The following GNB3 variants were observed in gnomAD, a reference collection of about 807,000 sequenced individuals.
The protein encoded by GNB3 is guanine nucleotide-binding protein G(I)/G(S)/G(T) subunit beta-3.
GNB3 carries 33 observed loss-of-function variants against 41.2 expected under a neutral mutation model. The ratio of observed to expected loss-of-function variants is 0.80; its 90% CI spans 0.61 to 1.07. The LOEUF is 1.07. Ranked by LOEUF, GNB3 falls within the 50% of genes least tolerant of loss-of-function variation. The pLI is 0.00. For synonymous variants in GNB3, 172 were observed against 173.4 expected, an observed-to-expected ratio of 0.99 and a Z score of 0.06; for missense variants, 409 against 455.3, an observed-to-expected ratio of 0.90 and a Z score of 0.92.
rs1555123684 is a variant in GNB3, at chr12:6,842,959, T to C, written c.97-11T>C. 6 of 1,521,070 alleles carry C rather than the reference T, an allele frequency of 3.9e-6. No homozygotes were observed. In the African/African-American group the frequency reaches 8.3e-5, roughly 21 times the overall value. The allele number at this position is 1,521,070 out of a possible 1,614,324, so 94.2% of individuals were successfully genotyped here. On this transcript the variant is annotated splice_polypyrimidine_tract_variant and intron_variant, in intron 3 of 9. Coordinates refer to ENST00000229264, the MANE Select transcript of GNB3 (RefSeq NM_002075.4). ...TGCTCACCCTGATATTCAGTGCCCC[T>C]CTCTCTGCAGCTGGTGTCTGGCCTA...
Position 6,843,268 on chromosome 12 carries a change from A to G in GNB3, c.267+31A>G. On this transcript the variant is annotated intron_variant, in intron 5 of 9. Coordinates refer to ENST00000229264, the MANE Select transcript of GNB3 (RefSeq NM_002075.4). The surrounding 1 kb of genome is among the most constrained non-coding windows in gnomAD (Gnocchi z 5.9). Reference sequence around the variant, plus strand: ...AGCCCTGCCTCCCTGAGCCTCCACCACTGCATCCTTCCTAAGGGCGCCATG... The same window carrying G: ...AGCCCTGCCTCCCTGAGCCTCCACCGCTGCATCCTTCCTAAGGGCGCCATG... 1 of 1,611,030 alleles carries G rather than the reference A, an allele frequency of 6.2e-7. No homozygotes were observed. Among genetic ancestry groups the G allele is most frequent in the Non-Finnish European group, 8.5e-7 (1 of 1,177,228 alleles).
intron 8 of GNB3, among the ~76,000 whole-genome samples, chr12:6,844,477 T>C (rs1240165277): frequency 6.6e-6 from 1 of 152,142 alleles, no homozygotes; most frequent in Non-Finnish European, 1.5e-5. Context: ...CTGGATGCAG[T>C]GGTGCTATCA....
intron 8 of GNB3, among the ~76,000 whole-genome samples, chr12:6,844,467 C>T (rs1555124138): frequency 1.3e-5 from 2 of 151,952 alleles, no homozygotes; most frequent in African/African-American, 4.8e-5. Flanking sequence ...GTTGCCCAGT[C>T]TGGATGCAGT....
chr12:6,846,779 C>T lies in GNB3; in HGVS notation c.917-13C>T. 1 of 1,510,466 alleles carries T rather than the reference C, an allele frequency of 6.6e-7. No individual in the cohort carries two copies. The highest frequency in any genetic ancestry group is 1.2e-5 in the South Asian group (1 of 84,420). 93.6% of individuals were successfully genotyped at this position (1,510,466 alleles called of 1,614,324 possible). ...CTTGGAGAGACAGGCTGACTCCTTT[C>T]CCTCTTCCTCAGGCATCCTCTCTGG... On this transcript the variant is annotated splice_polypyrimidine_tract_variant and intron_variant, in intron 9 of 9. Transcript: ENST00000229264.
chr12:6,847,225 C>T lies in GNB3; in HGVS notation c.*327C>T. 3.0e-6 allele frequency: 1 copy of T among 331,188 alleles called. No homozygotes were observed. The highest frequency in any genetic ancestry group is 5.7e-6 in the Non-Finnish European group (1 of 175,438). The allele number at this position is 331,188 out of a possible 1,614,324, so 20.5% of individuals were successfully genotyped here. On this transcript the variant is annotated 3_prime_UTR_variant, in exon 10 of 10. Coordinates refer to ENST00000229264, the MANE Select transcript of GNB3 (RefSeq NM_002075.4). Reference sequence around the variant, plus strand: ...TGAGGCCCCAGGCCCTAGGATTCCTCCCCCAGAGCCACTACCTTTGTCCAG... The same window carrying T: ...TGAGGCCCCAGGCCCTAGGATTCCTTCCCCAGAGCCACTACCTTTGTCCAG...
intron 2 of GNB3, 66 bp downstream of exon 2, chr12:6,841,410 G>C (rs1310053917): frequency 6.9e-7 from 1 of 1,440,824 alleles, no homozygotes; most frequent in Non-Finnish European, 9.7e-7. Context: ...CGTGGCCCAG[G>C]GGGAGGGGGC....
chr12:6,845,589 T>C lies in GNB3; in HGVS notation c.703T>C (p.Phe235Leu), dbSNP rs782066777. 1.2e-6 allele frequency: 2 copies of C among 1,608,052 alleles called. No homozygotes were observed. The highest frequency in any genetic ancestry group is 1.7e-6 in the Non-Finnish European group (2 of 1,177,594). ...HESDINAICF[F>L]PNGEAICTGS... is the part of the protein sequence containing the mutation. ...CACTTGCCACCCGTGCCCTCAGTTCTTCCCCAATGGAGAGGCCATCTGCAC... is the reference window on the plus strand; with the variant it reads ...CACTTGCCACCCGTGCCCTCAGTTCCTCCCCAATGGAGAGGCCATCTGCAC... Residue 235 changes from phenylalanine (F) to leucine (L), a missense_variant, in exon 9 of 10, where the codon TTC (phenylalanine) becomes CTC (leucine). Physicochemically the swap from Phe to Leu is conservative, Grantham distance 22. Transcript: ENST00000229264.
chr12:6,844,093 A>T lies in GNB3; in HGVS notation c.699+115A>T, dbSNP rs11064426. On this transcript the variant is annotated intron_variant, in intron 8 of 9. Transcript: ENST00000229264. ...AGCTTCCCTAGCCCTTTCTTACTGT[A>T]TTTTTTTTTTTTTTTTTTTTTTTTT... The T allele has an allele frequency of 0.26, 65,885 of 256,186 alleles. 15,929 individuals carry two copies. The highest frequency in any genetic ancestry group is 0.61 in the African/African-American group (16,732 of 27,656). The allele number at this position is 256,186 out of a possible 1,614,324, so 15.9% of individuals were successfully genotyped here.
At chr12:6,846,509 A>C (rs1258383546) in intron 9 of GNB3, 5 of 316,148 alleles carry the variant, frequency 1.6e-5, no homozygotes, top group African/African-American at 1.1e-4. Context: ...AGCTCTTGAC[A>C]GAGAACCCCC....
Position 6,841,624 on chromosome 12 carries a change from G to C in GNB3, c.96G>C (p.Glu32Asp), listed in dbSNP as rs1555123393. ...RKACADVTLA[E>D]LVSGLEVVGR... is the part of the protein sequence containing the mutation. ...CCTGTGCTGACGTTACTCTGGCAGA[G>C]GTAAGACCCCCTGTCCCCCGGAAGG... The change falls in exon 3 of 10, where the codon GAG (glutamate) becomes GAC (aspartate). Residue 32 changes from glutamate to aspartate, a missense_variant and splice_region_variant. By Grantham distance (45) the Glu-to-Asp change is conservative. Coordinates refer to ENST00000229264, the MANE Select transcript of GNB3 (RefSeq NM_002075.4). 1.2e-6 allele frequency: 2 copies of C among 1,612,250 alleles called. No individual in the cohort carries two copies. The highest frequency in any genetic ancestry group is 1.7e-6 in the Non-Finnish European group (2 of 1,178,828).
Position 6,843,195 on chromosome 12 carries a change from AG to A in GNB3, c.226del (p.Asp76MetfsTer4). 6.2e-7 allele frequency: 1 copy of A among 1,614,068 alleles called. No homozygotes were observed. Among genetic ancestry groups the A allele is most frequent in the African/African-American group, 1.3e-5 (1 of 75,002 alleles). On this transcript the variant is annotated frameshift_variant, in exon 5 of 10. Transcript: ENST00000229264. LOFTEE classifies it high-confidence loss of function. The surrounding 1 kb of genome is among the most constrained non-coding windows in gnomAD (Gnocchi z 5.9). ...DSKLLVSASQ[D>X]GKLIVWDSYT... ...CCAGGCTGCTGGTAAGTGCCTCGCAAGATGGGAAGCTGATCGTGTGGGACAG... is the reference window on the plus strand; with the variant it reads ...CCAGGCTGCTGGTAAGTGCCTCGCAAATGGGAAGCTGATCGTGTGGGACAG...
rs782199199 is a variant in GNB3, at chr12:6,843,765, C to T, written c.498-12C>T. On this transcript the variant is annotated splice_polypyrimidine_tract_variant and intron_variant, in intron 7 of 9. Coordinates refer to ENST00000229264, the MANE Select transcript of GNB3 (RefSeq NM_002075.4). This position sits in a 1 kb window ranked among gnomAD's most constrained non-coding sequence, Gnocchi z 5.9. ...CCGGCCTTTCTCTAACAGTCTCCCT[C>T]CATTTTGGCAGTGCCTTGTGGGACA... is the stretch of plus-strand genomic sequence containing the variant. 9 of 1,613,522 alleles carry T rather than the reference C, an allele frequency of 5.6e-6. No homozygotes were observed. In the South Asian group the frequency reaches 9.9e-5, roughly 18 times the overall value.
chr12:6,843,275 C>T lies in GNB3; in HGVS notation c.267+38C>T. The stretch of plus-strand genomic sequence containing the variant: ...CCTCCCTGAGCCTCCACCACTGCAT[C>T]CTTCCTAAGGGCGCCATGCCTACCC... On this transcript the variant is annotated intron_variant, in intron 5 of 9. Coordinates refer to ENST00000229264, the MANE Select transcript of GNB3 (RefSeq NM_002075.4). The surrounding 1 kb of genome is among the most constrained non-coding windows in gnomAD (Gnocchi z 5.9). 6.2e-7 allele frequency: 1 copy of T among 1,610,828 alleles called. No individual in the cohort carries two copies. Among genetic ancestry groups the T allele is most frequent in the Non-Finnish European group, 8.5e-7 (1 of 1,177,016 alleles).
rs1555123834 is a variant in GNB3, at chr12:6,843,437, TG to T, written c.348del (p.Leu117TrpfsTer42). The T allele has an allele frequency of 5.6e-6, 9 of 1,614,038 alleles. No homozygotes were observed. Among genetic ancestry groups the T allele is most frequent in the Admixed American group, 3.3e-5 (2 of 60,016 alleles). ...CCCCATCAGGGAACTTTGTGGCATG[TG>T]GGGGGCTGGACAACATGTGTTCCAT... ...YAPSGNFVAC[G>X]GLDNMCSIYN... On this transcript the variant is annotated frameshift_variant, in exon 6 of 10. Coordinates refer to ENST00000229264, the MANE Select transcript of GNB3 (RefSeq NM_002075.4). LOFTEE classifies it high-confidence loss of function. This position sits in a 1 kb window ranked among gnomAD's most constrained non-coding sequence, Gnocchi z 5.9.
rs369525472 is a variant in GNB3 at position 6,844,013 on chromosome 12, T to C, written c.699+35T>C. The stretch of plus-strand genomic sequence containing the variant: ...CCCCCCACCCCAGCTTCACTCCAAC[T>C]CCTTCCCCGACACTCCCCACAACAC... On this transcript the variant is annotated intron_variant, in intron 8 of 9. Transcript: ENST00000229264. The C allele has an allele frequency of 6.1e-6, 9 of 1,484,914 alleles. No individual in the cohort carries two copies. The African/African-American group carries it at 1.0e-4, about 16-fold the overall frequency. The allele number at this position is 1,484,914 out of a possible 1,614,324, so 92.0% of individuals were successfully genotyped here.
Position 6,842,980 on chromosome 12 carries a change from G to T in GNB3, c.107G>T (p.Gly36Val), listed in dbSNP as rs1943600579. The change falls in exon 4 of 10, where the codon GGC becomes GTC. Residue 36 changes from glycine (G) to valine (V), a missense_variant. Gly to Val is a moderately radical substitution (Grantham distance 109). Coordinates refer to ENST00000229264, the MANE Select transcript of GNB3 (RefSeq NM_002075.4). ...ADVTLAELVSGLEVVGRVQMR... is the reference protein window; with the variant it reads ...ADVTLAELVSVLEVVGRVQMR... ...CCCCTCTCTCTGCAGCTGGTGTCTG[G>T]CCTAGAGGTGGTGGGACGAGTCCAG... 6.5e-7 allele frequency: 1 copy of T among 1,548,202 alleles called. No homozygotes were observed. The highest frequency in any genetic ancestry group is 1.8e-5 in the Admixed American group (1 of 54,228).
intron 9 of GNB3, chr12:6,846,502 T>C: frequency 3.3e-6 from 1 of 303,540 alleles, no homozygotes; most frequent in East Asian, 5.5e-5. Flanking sequence ...CAACCAAAGC[T>C]CTTGACAGAG....
chr12:6,842,889 A>C, intron 3 of GNB3, 81 bp from the exon 4 acceptor site: 1 of 877,608 alleles, frequency 1.1e-6, no homozygotes, highest in Non-Finnish European at 1.8e-6. Flanking sequence ...CAGAGCGGGA[A>C]CTTGTATAGA....
chr12:6,845,376 A>G, intron 8 of GNB3: 1 of 579,188 alleles, frequency 1.7e-6, no homozygotes, highest in South Asian at 2.1e-5. Flanking sequence ...GCAGCGCTGT[A>G]TAGTGCAGAG....
Sources: gnomAD v4.1 joint callset for allele counts (sites outside exome capture counted in the v4.1 genomes callset) on GRCh38, gnomAD v4.1.1 for gene constraint, Gnocchi (gnomAD v3.1) non-coding constraint, MANE v1.5 for transcripts, NCBI Gene and HGNC (gene_info 2026-07-23, HGNC 2026-07-21) for gene names.